Variants in GPM6B observed in about 807,000 individuals in gnomAD.
GPM6B encodes glycoprotein M6B.
In GPM6B, 4 loss-of-function variants were observed where a neutral mutation model predicts 27.2. That is an observed-to-expected ratio of 0.15 (90% confidence interval 0.07 to 0.34). The LOEUF is 0.34. GPM6B is among the 10% of genes least tolerant of loss of function. The pLI is 1.00. For synonymous variants in GPM6B, 124 were observed against 103.1 expected (o/e 1.20, Z -1.23); for missense variants, 183 against 261.9 (o/e 0.70, Z 2.08).
chrX:13,906,291 G>A (rs958800267), intron 1 of GPM6B, among the ~76,000 whole-genome samples: 4 of 112,060 alleles, frequency 3.6e-5, no homozygotes, highest in African/African-American at 1.3e-4. Flanking sequence ...AGCACTGCTT[G>A]TTACAAATTT....
intron 1 of GPM6B, among the ~76,000 whole-genome samples, chrX:13,909,808 T>C (rs1482768411): frequency 1.8e-5 from 2 of 111,831 alleles, no homozygotes; most frequent in Non-Finnish European, 3.8e-5. Flanking sequence ...TTTCTAAGTA[T>C]ACACTCTTAA....
chrX:13,871,114 C>CAAAACAAAA (rs1331201370), intron 1 of GPM6B, among the ~76,000 whole-genome samples: 4 of 95,126 alleles, frequency 4.2e-5, no homozygotes, highest in Non-Finnish European at 8.4e-5. Flanking sequence ...CAAAACAAAA[C>CAAAACAAAA]AAAAAAAAAA....
At chrX:13,848,990 A>C (rs1323036365) in intron 1 of GPM6B, among the ~76,000 whole-genome samples, 1 of 112,394 alleles carries the variant, frequency 8.9e-6, no homozygotes, top group African/African-American at 3.2e-5. Context: ...TAAAATGTCC[A>C]AAACAGGCAC....
At chrX:13,774,285 C>T (rs1306979121) in intron 7 of GPM6B, 1 of 894,300 alleles carries the variant, frequency 1.1e-6, no homozygotes, top group African/African-American at 2.0e-5. Context: ...AGTATGAGAA[C>T]ATTATTTTAA....
intron 1 of GPM6B, among the ~76,000 whole-genome samples, chrX:13,856,597 C>T (rs1474683246): frequency 1.8e-5 from 2 of 112,317 alleles, no homozygotes; most frequent in Middle Eastern, 4.6e-3. Flanking sequence ...CGGATTTAAT[C>T]GCTTAAAACA....
chrX:13,911,751 T>C (rs1287620950), intron 1 of GPM6B, among the ~76,000 whole-genome samples: 3 of 112,263 alleles, frequency 2.7e-5, no homozygotes, highest in African/African-American at 6.5e-5. Flanking sequence ...AATACAAGCT[T>C]GAGCTCTGTG....
chrX:13,822,608 T>C (rs1209453375), intron 1 of GPM6B, among the ~76,000 whole-genome samples: 2 of 108,271 alleles, frequency 1.8e-5, no homozygotes, highest in Non-Finnish European at 3.8e-5. Context: ...ACTCCTGACC[T>C]CAGGTGATCT....
At chrX:13,794,765 G>A (rs1207673702) in intron 2 of GPM6B, among the ~76,000 whole-genome samples, 2 of 111,367 alleles carry the variant, frequency 1.8e-5, no homozygotes, top group African/African-American at 6.5e-5. Context: ...CTCAACCCCC[G>A]AGTATGTGCC....
chrX:13,837,057 C>CA (rs1176487451), intron 1 of GPM6B, among the ~76,000 whole-genome samples: 1 of 112,172 alleles, frequency 8.9e-6, no homozygotes, highest in Non-Finnish European at 1.9e-5. Flanking sequence ...CCATAAAAAT[C>CA]AATGTTTAAT....
At position 13,773,953 on chromosome X, in the gene GPM6B, C is replaced by CTTTTT. The variant is rs772367299; in HGVS notation, c.838-928_838-924dup. The CTTTTT allele has an allele frequency of 1.8e-4, 79 of 436,272 alleles. 2 individuals are homozygous for CTTTTT. Among genetic ancestry groups the CTTTTT allele is most frequent in the African/African-American group, 8.5e-4 (18 of 21,265 alleles). 36.0% of individuals were successfully genotyped at this position (436,272 alleles called of 1,213,427 possible). ...AAAAAAAACTACCCACATATAAATC[C>CTTTTT]TTTTTTTTTTTTTTTTTTTTTTTTT... On this transcript the variant is annotated intron_variant, in intron 7 of 7. Transcript: ENST00000316715.
chrX:13,900,396 G>A (rs756869694), intron 1 of GPM6B, among the ~76,000 whole-genome samples: 1 of 111,488 alleles, frequency 9.0e-6, no homozygotes, highest in African/African-American at 3.3e-5. Context: ...TGCGGTTGGT[G>A]AGTTACTGGG....
chrX:13,872,093 A>G (rs2049984057), intron 1 of GPM6B, among the ~76,000 whole-genome samples: 1 of 107,704 alleles, frequency 9.3e-6, no homozygotes, highest in South Asian at 4.0e-4. Flanking sequence ...GATCTGTTGC[A>G]TTTTGTATGC....
chrX:13,782,103 C>T (rs996063192), intron 4 of GPM6B, among the ~76,000 whole-genome samples: 2 of 112,095 alleles, frequency 1.8e-5, no homozygotes, highest in African/African-American at 6.5e-5. Flanking sequence ...ATCTGTTAAG[C>T]GTATGGATGA....
intron 1 of GPM6B, among the ~76,000 whole-genome samples, chrX:13,874,270 T>C (rs931565822): frequency 1.8e-5 from 2 of 111,518 alleles, no homozygotes; most frequent in African/African-American, 3.3e-5. Flanking sequence ...ACAAAAACTA[T>C]ATTGGGGAAA....
At chrX:13,798,909 C>T (rs984493315) in intron 2 of GPM6B, among the ~76,000 whole-genome samples, 11 of 112,325 alleles carry the variant, frequency 9.8e-5, no homozygotes, top group Non-Finnish European at 2.1e-4. Context: ...AGAAACTCCC[C>T]CGGATTGGGA....
intron 1 of GPM6B, among the ~76,000 whole-genome samples, chrX:13,926,799 CTTT>C (rs1048447146): frequency 3.6e-5 from 4 of 112,155 alleles, no homozygotes; most frequent in African/African-American, 1.3e-4. Flanking sequence ...TTTAGAAAAA[CTTT>C]CTTTTAGAAA....
rs374189218 is a variant in GPM6B, at chrX:13,824,211, C to G, written c.-197-38403G>C. 5.4e-5 allele frequency among the ~76,000 whole-genome samples: 6 copies of G among 112,042 alleles called. No individual in the cohort carries two copies. The East Asian group carries it at 1.7e-3, about 31-fold the overall frequency. ...CCGGTTCTGATGACCTAAAATGTTTCTAAACACTGCCAAGTGTCTCCTGGA... is the reference window on the plus strand; with the variant it reads ...CCGGTTCTGATGACCTAAAATGTTTGTAAACACTGCCAAGTGTCTCCTGGA... On this transcript the variant is annotated intron_variant, in intron 1 of 6. Transcript: ENST00000398361.
chrX:13,894,825 G>A (rs758942086), intron 1 of GPM6B, among the ~76,000 whole-genome samples: 1 of 112,211 alleles, frequency 8.9e-6, no homozygotes, highest in African/African-American at 3.2e-5. Context: ...CTCATTTTAA[G>A]GATGAAACAT....
At chrX:13,799,779 A>G (rs2048887147) in intron 2 of GPM6B, among the ~76,000 whole-genome samples, 1 of 111,306 alleles carries the variant, frequency 9.0e-6, no homozygotes, top group South Asian at 3.8e-4. Flanking sequence ...CCTGCCAGGT[A>G]CTCATTTAAC....
Sources: allele counts gnomAD v4.1 joint callset (sites outside exome capture counted in the v4.1 genomes callset), GRCh38; gene constraint gnomAD v4.1.1; transcripts MANE v1.5; gene names NCBI Gene and HGNC (gene_info 2026-07-23, HGNC 2026-07-21).